Variants in USP5 observed in about 807,000 individuals in gnomAD.
USP5 encodes the protein ubiquitin specific peptidase 5.
Under a neutral mutation model 102.5 loss-of-function variants are expected in USP5, and 24 were observed. That is an observed-to-expected ratio of 0.23 (90% CI 0.17 to 0.33). The LOEUF (loss-of-function observed/expected upper bound fraction) is 0.33. Among genes scored for constraint, USP5 ranks in the 10% least tolerant of loss-of-function variants. USP5 has a pLI of 1.00. For synonymous variants in USP5, 460 were observed against 434.8 expected (o/e 1.06, Z -0.72); for missense variants, 753 against 1,122.1 (o/e 0.67, Z 4.70).
At chr12:6,865,603 G>A (rs989100367) in intron 19 of USP5, among the ~76,000 whole-genome samples, 1 of 152,212 alleles carries the variant, frequency 6.6e-6, no homozygotes, top group Admixed American at 6.5e-5. Context: ...CTGGAACCTG[G>A]ACACACTTGT....
Position 6,860,007 on chromosome 12 carries a change from G to A in USP5, c.1131-144G>A. 2 of 877,180 alleles carry A rather than the reference G, an allele frequency of 2.3e-6. No homozygotes were observed. The highest frequency in any genetic ancestry group is 3.5e-6 in the Non-Finnish European group (2 of 563,540). 54.3% of individuals were successfully genotyped at this position (877,180 alleles called of 1,614,324 possible). A position where few individuals can be genotyped will look rare whatever the true frequency, so the allele number is the denominator to read the frequency against. ...TGACTGTCTTCTGGACGTGTTGTCT[G>A]TCTTGAGCTGGGTTCCTGTAGAATC... On this transcript the variant is annotated intron_variant, in intron 9 of 19. Coordinates refer to ENST00000229268, the MANE Select transcript of USP5 (RefSeq NM_001098536.2). The surrounding 1 kb of genome is among the most constrained non-coding windows in gnomAD (Gnocchi z 5.5).
Position 6,861,729 on chromosome 12 carries a change from T to A in USP5, c.1673+112T>A, listed in dbSNP as rs1944283918. On this transcript the variant is annotated intron_variant, in intron 13 of 19. Transcript: ENST00000229268. The surrounding 1 kb of genome is among the most constrained non-coding windows in gnomAD (Gnocchi z 4.9). ...CCCTTTGTGGTTGGAACCTCAGGGTTGAATCAGTTGGGCTGGTAATCTGGC... is the reference window on the plus strand; with the variant it reads ...CCCTTTGTGGTTGGAACCTCAGGGTAGAATCAGTTGGGCTGGTAATCTGGC... 1 of 1,228,042 alleles carries A rather than the reference T, an allele frequency of 8.1e-7. No individual in the cohort carries two copies. The highest frequency in any genetic ancestry group is 1.1e-6 in the Non-Finnish European group (1 of 946,022). The allele number at this position is 1,228,042 out of a possible 1,614,324, so 76.1% of individuals were successfully genotyped here.
chr12:6,861,166 C>G lies in USP5; in HGVS notation c.1498+60C>G. 2 of 1,596,796 alleles carry G rather than the reference C, an allele frequency of 1.3e-6. No individual in the cohort carries two copies. Among genetic ancestry groups the G allele is most frequent in the Non-Finnish European group, 1.7e-6 (2 of 1,170,856 alleles). ...GGGAGGCTAAGGTCTAGGAGGAATG[C>G]TTGGGCACCTCATGGGAGCACAGCC... On this transcript the variant is annotated intron_variant, in intron 12 of 19. Transcript: ENST00000229268. This position sits in a 1 kb window ranked among gnomAD's most constrained non-coding sequence, Gnocchi z 4.9.
At chr12:6,853,171 G>C (rs999907098) in intron 1 of USP5, among the ~76,000 whole-genome samples, 1 of 152,200 alleles carries the variant, frequency 6.6e-6, no homozygotes, top group Non-Finnish European at 1.5e-5. Context: ...GAAGGCAGCA[G>C]CTTGGTTGGG....
In USP5 at chr12:6,856,163, C is replaced by T. The variant is rs782097739; in HGVS notation, c.438+13C>T. On this transcript the variant is annotated intron_variant, in intron 4 of 19. Transcript: ENST00000229268. The surrounding 1 kb of genome is among the most constrained non-coding windows in gnomAD (Gnocchi z 5.6). ...TGTCAGAGATCGGGTATGACTGCCC[C>T]CTATGCTACCCAAGATTCTAGAGCA... 2 of 1,613,878 alleles carry T rather than the reference C, an allele frequency of 1.2e-6. No individual in the cohort carries two copies. The highest frequency in any genetic ancestry group is 1.7e-6 in the Non-Finnish European group (2 of 1,179,926).
At position 6,865,990 on chromosome 12, in the gene USP5, G is replaced by A; in HGVS notation, c.2490G>A (p.Val830=). The change falls in exon 20 of 20, where the codon GTG becomes GTA. Residue 830 remains valine, a synonymous_variant. Coordinates refer to ENST00000229268, the MANE Select transcript of USP5 (RefSeq NM_001098536.2). The part of the protein sequence containing the change: ...VCHIKKEGRW[V]IYNDQKVCAS... ...GTTTTCCCCACTTCCCCAGATGGGT[G>A]ATCTACAATGACCAGAAAGTGTGTG... 6.2e-7 allele frequency: 1 copy of A among 1,614,116 alleles called. No homozygotes were observed. Among genetic ancestry groups the A allele is most frequent in the Non-Finnish European group, 8.5e-7 (1 of 1,180,002 alleles).
Position 6,860,978 on chromosome 12 carries a change from C to T in USP5, c.1370C>T (p.Pro457Leu). The T allele has an allele frequency of 6.2e-7, 1 of 1,614,152 alleles. No homozygotes were observed. The part of the protein sequence containing the change: ...VERNCRSSEN[P>L]NEVFRFLVEE... The stretch of plus-strand genomic sequence containing the variant: ...AGGAATTGCCGGAGCTCTGAAAATC[C>T]TAATGAAGTGTTCCGCTTCTTGGTG... The change falls in exon 12 of 20, where the codon CCT (proline) becomes CTT (leucine). Residue 457 changes from proline (P) to leucine (L), a missense_variant. By Grantham distance (98) the Pro-to-Leu change is moderately conservative (BLOSUM62 -3). Around this residue, in one of 3 missense-constraint regions of USP5, gnomAD observed 527 missense variants for 816.5 expected, o/e 0.65. Transcript: ENST00000229268. This position sits in a 1 kb window ranked among gnomAD's most constrained non-coding sequence, Gnocchi z 5.5.
chr12:6,863,109 G>T lies in USP5; in HGVS notation c.1763-77G>T. 7.0e-7 allele frequency: 1 copy of T among 1,438,052 alleles called. No individual in the cohort carries two copies. The highest frequency in any genetic ancestry group is 9.3e-7 in the Non-Finnish European group (1 of 1,069,732). The allele number at this position is 1,438,052 out of a possible 1,614,324, so 89.1% of individuals were successfully genotyped here. A position where few individuals can be genotyped will look rare whatever the true frequency, so the allele number is the denominator to read the frequency against. On this transcript the variant is annotated intron_variant, in intron 14 of 19. Transcript: ENST00000229268. This position sits in a 1 kb window ranked among gnomAD's most constrained non-coding sequence, Gnocchi z 4.7. ...TCTTTACAGAGCAGTTCTGACATAG[G>T]GGGCAGGGGATTGAGGTTCCCGAAT...
intron 1 of USP5, among the ~76,000 whole-genome samples, chr12:6,854,231 G>T (rs1944042227): frequency 6.6e-6 from 1 of 152,190 alleles, no homozygotes; most frequent in Non-Finnish European, 1.5e-5. Context: ...TTTGAGATTG[G>T]TGATTTGTTG....
Position 6,861,063 on chromosome 12 carries a change from C to T in USP5, c.1455C>T (p.Tyr485=). The T allele has an allele frequency of 1.2e-6, 2 of 1,614,252 alleles. No individual in the cohort carries two copies. The highest frequency in any genetic ancestry group is 8.5e-7 in the Non-Finnish European group (1 of 1,180,040). Residue 485 remains tyrosine, a synonymous_variant, in exon 12 of 20, where the codon TAC becomes TAT. Coordinates refer to ENST00000229268, the MANE Select transcript of USP5 (RefSeq NM_001098536.2). This position sits in a 1 kb window ranked among gnomAD's most constrained non-coding sequence, Gnocchi z 4.9. The part of the protein sequence containing the change: ...EKVKYTQRVD[Y]IMQLPVPMDA... ...TGAAGTACACCCAGCGAGTTGACTA[C>T]ATCATGCAGCTGCCTGTGCCCATGG...
chr12:6,865,366 A>G, intron 19 of USP5, 118 bp downstream of exon 19: 1 of 919,654 alleles, frequency 1.1e-6, no homozygotes, highest in Non-Finnish European at 1.7e-6. Context: ...TGGGGACATA[A>G]AGTGCCAGAG....
At chr12:6,852,494 T>G (rs956052523) in intron 1 of USP5, among the ~76,000 whole-genome samples, 6 of 152,260 alleles carry the variant, frequency 3.9e-5, no homozygotes, top group East Asian at 1.9e-4. Context: ...CGCTCACCTC[T>G]CCGGCTCCCC....
intron 9 of USP5, among the ~76,000 whole-genome samples, chr12:6,859,919 T>A (rs1555129155): frequency 6.6e-6 from 1 of 152,148 alleles, no homozygotes. Flanking sequence ...CCTCCCAAAG[T>A]GCTGGGATTA....
Position 6,856,754 on chromosome 12 carries a change from A to G in USP5, c.632A>G (p.Asn211Ser), listed in dbSNP as rs782463625. The part of the protein sequence containing the change: ...KCDMRENLWL[N>S]LTDGSILCGR... ...GACATGAGAGAGAACCTGTGGCTCA[A>G]CCTGACTGATGGCTCCATCCTCTGT... Residue 211 changes from asparagine to serine, a missense_variant, in exon 6 of 20, where the codon AAC (asparagine) becomes AGC (serine). Physicochemically the swap from Asn to Ser is conservative, Grantham distance 46 (BLOSUM62 1). Coordinates refer to ENST00000229268, the MANE Select transcript of USP5 (RefSeq NM_001098536.2). The surrounding 1 kb of genome is among the most constrained non-coding windows in gnomAD (Gnocchi z 5.6). 3.7e-6 allele frequency: 6 copies of G among 1,613,974 alleles called. No homozygotes were observed. Among genetic ancestry groups the G allele is most frequent in the African/African-American group, 1.3e-5 (1 of 74,884 alleles).
chr12:6,859,429 C>G (rs781975000), intron 8 of USP5, 41 bp from the exon 9 acceptor site: 1 of 1,603,038 alleles, frequency 6.2e-7, no homozygotes, highest in South Asian at 1.1e-5. Context: ...CCTCGGCGCT[C>G]AGGCCAGAGC....
chr12:6,860,266 GC>G lies in USP5; in HGVS notation c.1218+31del, dbSNP rs1944240968. The G allele has an allele frequency of 1.9e-6, 3 of 1,610,956 alleles. No homozygotes were observed. Among genetic ancestry groups the G allele is most frequent in the East Asian group, 4.5e-5 (2 of 44,826 alleles). On this transcript the variant is annotated intron_variant, in intron 10 of 19. Transcript: ENST00000229268. This position sits in a 1 kb window ranked among gnomAD's most constrained non-coding sequence, Gnocchi z 5.5. ...GCGTCTAGGACCCTGTCCCTTTCAG[GC>G]CCTGGGATTGTGGGGAAGCTGAGGT...
Position 6,858,644 on chromosome 12 carries a change from G to A in USP5, c.1058+27G>A, listed in dbSNP as rs1555128874. 3 of 1,583,100 alleles carry A rather than the reference G, an allele frequency of 1.9e-6. No homozygotes were observed. Among genetic ancestry groups the A allele is most frequent in the Middle Eastern group, 4.0e-4 (2 of 5,022 alleles). ...TGAGTAGTGCCCTCTCCTTCCCCAGGCCCCCTCCTGGTCAGCACCCTCTGG... is the reference window on the plus strand; with the variant it reads ...TGAGTAGTGCCCTCTCCTTCCCCAGACCCCCTCCTGGTCAGCACCCTCTGG... On this transcript the variant is annotated intron_variant, in intron 8 of 19. Coordinates refer to ENST00000229268, the MANE Select transcript of USP5 (RefSeq NM_001098536.2). This position sits in a 1 kb window ranked among gnomAD's most constrained non-coding sequence, Gnocchi z 4.2.
intron 8 of USP5, 97 bp from the exon 9 acceptor site, chr12:6,859,373 G>T: frequency 7.9e-7 from 1 of 1,258,778 alleles, no homozygotes. Flanking sequence ...CACTCTTGAG[G>T]GGAGCCCGTT....
Position 6,864,790 on chromosome 12 carries a change from C to T in USP5, c.2313C>T (p.Ala771=), listed in dbSNP as rs781860852. 10 of 1,613,750 alleles carry T rather than the reference C, an allele frequency of 6.2e-6. No homozygotes were observed. The Admixed American group carries it at 8.3e-5, about 13-fold the overall frequency. The change falls in exon 18 of 20, where the codon GCC becomes GCT. Residue 771 remains alanine (A), a synonymous_variant. Transcript: ENST00000229268. The surrounding 1 kb of genome is among the most constrained non-coding windows in gnomAD (Gnocchi z 4.8). ...SHIDDLDAEA[A]MDISEGRSAA... ...TTGACGACCTGGATGCTGAAGCTGC[C>T]ATGGACATCTCAGAGGGCCGCTCAG...
Sources: allele counts gnomAD v4.1 joint callset (sites outside exome capture counted in the v4.1 genomes callset), GRCh38; gene constraint gnomAD v4.1.1; regional missense constraint gnomAD v4.1.1; non-coding constraint Gnocchi (gnomAD v3.1); transcripts MANE v1.5; gene names NCBI Gene and HGNC (gene_info 2026-07-23, HGNC 2026-07-21).